The following TTBK2 variants were observed in gnomAD, a reference collection of about 807,000 sequenced individuals.
TTBK2 encodes tau-tubulin kinase 2.
A neutral mutation model predicts 110.8 loss-of-function variants in TTBK2; 28 were observed. The observed-to-expected ratio is 0.25, with a 90% CI of 0.19 to 0.35. The LOEUF is 0.35. TTBK2 is among the 10% of genes least tolerant of loss of function. The probability of loss-of-function intolerance (pLI) is 1.00; values close to 1 mark genes in which losing one functional copy is unlikely to be tolerated. For missense variants in TTBK2, 1,369 were observed against 1,500.3 expected, an observed-to-expected ratio of 0.91 and a Z score of 1.45; for synonymous variants, 532 against 527.3, an observed-to-expected ratio of 1.01 and a Z score of -0.12.
intron 1 of TTBK2, among the ~76,000 whole-genome samples, chr15:42,882,098 A>C (rs1383950949): frequency 6.6e-6 from 1 of 152,046 alleles, no homozygotes; most frequent in Admixed American, 6.5e-5. Flanking sequence ...GTGCCATTAG[A>C]GTTGAAAAAG....
chr15:42,846,804 A>G (rs1270305923), intron 3 of TTBK2, among the ~76,000 whole-genome samples: 2 of 152,046 alleles, frequency 1.3e-5, no homozygotes, highest in African/African-American at 2.4e-5. Flanking sequence ...TCACCCACCA[A>G]CCTCCAGGAA....
At chr15:42,830,468 A>ATG (rs1892710703) in intron 4 of TTBK2, among the ~76,000 whole-genome samples, 2 of 151,954 alleles carry the variant, frequency 1.3e-5, no homozygotes, top group Non-Finnish European at 2.9e-5. Context: ...GATTACAGGC[A>ATG]TGAACCACTG....
chr15:42,828,012 G>A lies in TTBK2; in HGVS notation c.453C>T (p.Arg151=). 4 of 1,613,368 alleles carry A rather than the reference G, an allele frequency of 2.5e-6. No homozygotes were observed. The highest frequency in any genetic ancestry group is 3.4e-6 in the Non-Finnish European group (4 of 1,179,680). The change falls in exon 6 of 15, where the codon CGC becomes CGT. Residue 151 remains arginine (R), a synonymous_variant. Coordinates refer to ENST00000267890, the MANE Select transcript of TTBK2 (RefSeq NM_173500.4). The part of the protein sequence containing the change: ...DIKPSNFAMG[R]FPSTCRKCYM... ...AACATTTCCTACATGTACTAGGAAA[G>A]CGACCCATAGCGAAGTTCGACTAGA... is the stretch of plus-strand genomic sequence containing the variant.
intron 3 of TTBK2, chr15:42,855,094 T>C (rs965294655): frequency 2.0e-5 from 3 of 152,206 alleles, no homozygotes; most frequent in African/African-American, 7.2e-5. Flanking sequence ...TATTTATTTT[T>C]GAGATAGAGT....
At chr15:42,763,660 TC>T (rs1257319949) in intron 13 of TTBK2, among the ~76,000 whole-genome samples, 1 of 152,166 alleles carries the variant, frequency 6.6e-6, no homozygotes, top group Non-Finnish European at 1.5e-5. Flanking sequence ...ACTATGTACC[TC>T]ATACATATGT....
intron 1 of TTBK2, among the ~76,000 whole-genome samples, chr15:42,900,483 C>G (rs1276845564): frequency 6.6e-6 from 1 of 152,106 alleles, no homozygotes; most frequent in Non-Finnish European, 1.5e-5. Flanking sequence ...GTTTAGGAGG[C>G]TGACACAGGC....
intron 1 of TTBK2, among the ~76,000 whole-genome samples, chr15:42,885,688 C>CCT (rs1895215460): frequency 6.6e-6 from 1 of 152,196 alleles, no homozygotes; most frequent in East Asian, 1.9e-4. Context: ...TGTCTCTACC[C>CCT]CTTCTCCACT....
intron 10 of TTBK2, among the ~76,000 whole-genome samples, chr15:42,789,216 C>G (rs931781536): frequency 6.6e-6 from 1 of 152,154 alleles, no homozygotes; most frequent in Non-Finnish European, 1.5e-5. Flanking sequence ...TTTCCTTCCT[C>G]CCTCCTTGAA....
intron 9 of TTBK2, among the ~76,000 whole-genome samples, chr15:42,808,242 T>C (rs1891561238): frequency 6.6e-6 from 1 of 152,240 alleles, no homozygotes; most frequent in Non-Finnish European, 1.5e-5. Context: ...TTGGATGAGG[T>C]GTTGGCCATG....
At chr15:42,785,357 G>A (rs534447001) in intron 10 of TTBK2, among the ~76,000 whole-genome samples, 2 of 152,238 alleles carry the variant, frequency 1.3e-5, no homozygotes, top group South Asian at 4.1e-4. Context: ...CTGGCCCCAA[G>A]TGATCCACCC....
intron 14 of TTBK2, among the ~76,000 whole-genome samples, chr15:42,749,403 TAC>T (rs1284778380): frequency 1.3e-5 from 2 of 152,184 alleles, no homozygotes; most frequent in Admixed American, 6.5e-5. Context: ...GACTGTCAAT[TAC>T]AGTTAATTTT....
Position 42,872,689 on chromosome 15 carries a change from C to T in TTBK2, c.139G>A (p.Val47Ile), listed in dbSNP as rs1035863374. ...DALDMLTRENVALKVESAQQP... is the reference protein window; with the variant it reads ...DALDMLTRENIALKVESAQQP... Reference sequence around the variant, plus strand: ...TGAGCTGATTCCACCTTCAGTGCAACATTTTCCCTGGTGAGCATGTCCAAG... The same window carrying T: ...TGAGCTGATTCCACCTTCAGTGCAATATTTTCCCTGGTGAGCATGTCCAAG... Residue 47 changes from valine (V) to isoleucine (I), a missense_variant, in exon 3 of 15, where the codon GTT becomes ATT. Around this residue, in one of 4 missense-constraint regions of TTBK2, gnomAD observed 122 missense variants for 159.7 expected, o/e 0.76. Transcript: ENST00000267890. The T allele has an allele frequency of 8.1e-6, 13 of 1,613,974 alleles. No homozygotes were observed. The Admixed American group carries it at 1.0e-4, about 12-fold the overall frequency.
intron 3 of TTBK2, among the ~76,000 whole-genome samples, chr15:42,846,898 T>A (rs1893490697): frequency 6.6e-6 from 1 of 152,118 alleles, no homozygotes; most frequent in Non-Finnish European, 1.5e-5. Context: ...GCTGAATAAG[T>A]GGAAGTGCTG....
chr15:42,758,590 G>A (rs1792211716), intron 13 of TTBK2, among the ~76,000 whole-genome samples: 1 of 150,550 alleles, frequency 6.6e-6, no homozygotes, highest in Non-Finnish European at 1.5e-5. Context: ...ATGAGGCAGA[G>A]GTTGTGGCGA....
At chr15:42,790,946 C>A (rs1031753054) in intron 10 of TTBK2, among the ~76,000 whole-genome samples, 1 of 151,974 alleles carries the variant, frequency 6.6e-6, no homozygotes, top group Non-Finnish European at 1.5e-5. Context: ...TGCAGTGGCT[C>A]AATCTCAGCT....
Position 42,740,219 on chromosome 15 carries a change from C to G in TTBK2, c.*5576G>C, listed in dbSNP as rs1470874425. The G allele has an allele frequency of 6.6e-6, 1 of 152,184 alleles. No individual in the cohort carries two copies. Among genetic ancestry groups the G allele is most frequent in the Admixed American group, 6.5e-5 (1 of 15,280 alleles). 9.4% of individuals were successfully genotyped at this position (152,184 alleles called of 1,614,324 possible). Reference sequence around the variant, plus strand: ...CCCATACTACCACTAACGCTTCCAGCTGAAGAGGAGGCAGAAAACCGTTAC... The same window carrying G: ...CCCATACTACCACTAACGCTTCCAGGTGAAGAGGAGGCAGAAAACCGTTAC... On this transcript the variant is annotated 3_prime_UTR_variant, in exon 15 of 15. Coordinates refer to ENST00000267890, the MANE Select transcript of TTBK2 (RefSeq NM_173500.4).
intron 1 of TTBK2, among the ~76,000 whole-genome samples, chr15:42,886,804 T>C (rs1324797259): frequency 6.6e-6 from 1 of 152,224 alleles, no homozygotes; most frequent in Non-Finnish European, 1.5e-5. Context: ...TTGCTTCAAG[T>C]GCCGGAAATC....
At chr15:42,788,294 T>G (rs1567023724) in intron 10 of TTBK2, among the ~76,000 whole-genome samples, 1 of 152,200 alleles carries the variant, frequency 6.6e-6, no homozygotes, top group Non-Finnish European at 1.5e-5. Flanking sequence ...TACTTACATG[T>G]TTGTTTGTGA....
chr15:42,895,653 T>C (rs947772148), intron 1 of TTBK2, among the ~76,000 whole-genome samples: 4 of 151,644 alleles, frequency 2.6e-5, no homozygotes, highest in Admixed American at 2.6e-4. Flanking sequence ...TTCTCCTGCC[T>C]CAGCCTCCCA....
Sources: allele counts gnomAD v4.1 joint callset (sites outside exome capture counted in the v4.1 genomes callset), GRCh38; gene constraint gnomAD v4.1.1; regional missense constraint gnomAD v4.1.1; transcripts MANE v1.5; gene names NCBI Gene and HGNC (gene_info 2026-07-23, HGNC 2026-07-21).